B4GALNT3: variants seen among roughly 807,000 people sequenced by gnomAD.
B4GALNT3 encodes beta-1,4-N-acetyl-galactosaminyltransferase 3.
In B4GALNT3, 86 loss-of-function variants were observed where a neutral mutation model predicts 120.2. The ratio of observed to expected loss-of-function variants is 0.72; its 90% CI spans 0.60 to 0.86. The LOEUF (loss-of-function observed/expected upper bound fraction) is 0.86. B4GALNT3 is among the 40% of genes least tolerant of loss of function. B4GALNT3 has a pLI of 0.00. For missense variants in B4GALNT3, 1,167 were observed against 1,298.9 expected (o/e 0.90, Z 1.56); for synonymous variants, 518 against 510.4 (o/e 1.01, Z -0.20).
intron 1 of B4GALNT3, among the ~76,000 whole-genome samples, chr12:519,292 A>G (rs1267083996): frequency 2.6e-5 from 4 of 152,204 alleles, no homozygotes; most frequent in African/African-American, 9.7e-5. Context: ...GGTTTTATGT[A>G]TTACTAGGAT....
rs55927726 is a variant in B4GALNT3, at chr12:500,865, C to CTTTTTTTTTTTTTTTTTTTTTTT, written c.170-34281_170-34280insTTTTTTTTTTTTTTTTTTTTTTT. ...CTGAATTTGAATCCTGGCTCCACTG[C>CTTTTTTTTTTTTTTTTTTTTTTT]TTTTTTTTTTTTTTTTTTTTGACAC... On this transcript the variant is annotated intron_variant, in intron 1 of 19. Transcript: ENST00000266383. 1.2e-3 allele frequency among the ~76,000 whole-genome samples: 72 copies of CTTTTTTTTTTTTTTTTTTTTTTT among 61,814 alleles called. 25 individuals are homozygous for CTTTTTTTTTTTTTTTTTTTTTTT. The highest frequency in any genetic ancestry group is 2.7e-3 in the African/African-American group (36 of 13,342). 40.6% of individuals were successfully genotyped at this position (61,814 alleles called of 152,430 possible).
At position 544,357 on chromosome 12, in the gene B4GALNT3, C is replaced by G. The variant is rs764473836; in HGVS notation, c.370C>G (p.Leu124Val). The G allele has an allele frequency of 8.1e-6, 13 of 1,613,712 alleles. No individual in the cohort carries two copies. The South Asian group carries it at 1.2e-4, about 15-fold the overall frequency. ...CCTGCAGTTCCGGGGCCGTGCCAAC[C>G]TGCATGTGTTTGAAGACTGGTGTGG... ...WLSEFRGRAN[L>V]HVFEDWCGSS... The change falls in exon 4 of 20, where the codon CTG (leucine) becomes GTG (valine). Residue 124 changes from leucine (L) to valine (V), a missense_variant. Physicochemically the swap from Leu to Val is conservative, Grantham distance 32. This residue lies in a region of B4GALNT3 where 171 missense variants were observed against 161.3 expected (regional missense o/e 1.06). Coordinates refer to ENST00000266383, the MANE Select transcript of B4GALNT3 (RefSeq NM_173593.4).
intron 15 of B4GALNT3, 33 bp downstream of exon 15, chr12:556,899 G>C (rs374658417): frequency 1.3e-5 from 21 of 1,575,882 alleles, no homozygotes; most frequent in Non-Finnish European, 1.8e-5. Context: ...GCATTCTCAG[G>C]GGCGGGGTCC....
At chr12:552,267 CTT>C (rs1327487374) in intron 12 of B4GALNT3, 104 bp downstream of exon 12, 20 of 1,038,862 alleles carry the variant, frequency 1.9e-5, no homozygotes, top group Non-Finnish European at 2.7e-5. Flanking sequence ...AGCCCAAAGT[CTT>C]TGCTCTTGCT....
chr12:521,484 C>T (rs1340762124), intron 1 of B4GALNT3, among the ~76,000 whole-genome samples: 2 of 152,082 alleles, frequency 1.3e-5, no homozygotes, highest in Non-Finnish European at 2.9e-5. Flanking sequence ...TGTGGTCTTT[C>T]CCAGAATTAC....
intron 19 of B4GALNT3, 128 bp from the exon 20 acceptor site, chr12:561,215 A>G: frequency 3.0e-6 from 2 of 664,842 alleles, no homozygotes; most frequent in South Asian, 3.7e-5. Flanking sequence ...TTCAAAGCCC[A>G]CAGCCGTCCA....
rs1429949110 is a variant in B4GALNT3 at position 545,476 on chromosome 12, C to T, written c.639+7C>T. ...GCTGGCCAGTGTGGGCAAGGTAAGG[C>T]CAGCTCAACCCCGGTCCCTCCCATC... is the stretch of plus-strand genomic sequence containing the variant. On this transcript the variant is annotated splice_region_variant and intron_variant, in intron 6 of 19. Coordinates refer to ENST00000266383, the MANE Select transcript of B4GALNT3 (RefSeq NM_173593.4). 1.3e-6 allele frequency: 2 copies of T among 1,590,324 alleles called. No individual in the cohort carries two copies. Among genetic ancestry groups the T allele is most frequent in the African/African-American group, 2.7e-5 (2 of 74,724 alleles).
At chr12:542,986 G>A (rs1040257580) in intron 3 of B4GALNT3, 24 of 567,116 alleles carry the variant, frequency 4.2e-5, no homozygotes, top group Non-Finnish European at 6.8e-5. Flanking sequence ...ATCAGGGATG[G>A]GGAGGGGAGG....
rs1384035591 is a variant in B4GALNT3 at position 557,924 on chromosome 12, C to T, written c.2535-92C>T. 4 of 1,496,670 alleles carry T rather than the reference C, an allele frequency of 2.7e-6. No individual in the cohort carries two copies. In the African/African-American group the frequency reaches 5.5e-5, roughly 21 times the overall value. 92.7% of individuals were successfully genotyped at this position (1,496,670 alleles called of 1,614,324 possible). On this transcript the variant is annotated intron_variant, in intron 16 of 19. Coordinates refer to ENST00000266383, the MANE Select transcript of B4GALNT3 (RefSeq NM_173593.4). ...CCTGCCCATAATCCCATCCCAGGAGCACACATCATCTCTCTTCTATGCCTG... is the reference window on the plus strand; with the variant it reads ...CCTGCCCATAATCCCATCCCAGGAGTACACATCATCTCTCTTCTATGCCTG...
rs1946582759 is a variant in B4GALNT3 at position 512,172 on chromosome 12, G to GCCTTCCA, written c.170-22988_170-22987insACCTTCC. On this transcript the variant is annotated intron_variant, in intron 1 of 19. Transcript: ENST00000266383. ...TTCCGCCTTCCGCCTTCCACCTTCC[G>GCCTTCCA]CCTTCCGCCTTCCACCTTCCGCCTT... is the stretch of plus-strand genomic sequence containing the variant. Among the ~76,000 whole-genome samples, 4 of 20,436 alleles carry GCCTTCCA rather than the reference G, an allele frequency of 2.0e-4. 1 individual carries two copies. The highest frequency in any genetic ancestry group is 3.1e-4 in the Non-Finnish European group (4 of 12,892). The allele number at this position is 20,436 out of a possible 152,430, so 13.4% of individuals were successfully genotyped here.
intron 14 of B4GALNT3, among the ~76,000 whole-genome samples, chr12:554,519 G>T (rs898201643): frequency 6.6e-6 from 1 of 151,852 alleles, no homozygotes; most frequent in South Asian, 2.1e-4. Flanking sequence ...GGCTGGGCGC[G>T]GTGGCTCACG....
At position 562,241 on chromosome 12, in the gene B4GALNT3, G is replaced by A. The variant is rs1947239231; in HGVS notation, c.*790G>A. 1 of 152,426 alleles carries A rather than the reference G, an allele frequency of 6.6e-6. No homozygotes were observed. Among genetic ancestry groups the A allele is most frequent in the Admixed American group, 6.5e-5 (1 of 15,292 alleles). The allele number at this position is 152,426 out of a possible 1,614,324, so 9.4% of individuals were successfully genotyped here. A position where few individuals can be genotyped will look rare whatever the true frequency, so the allele number is the denominator to read the frequency against. ...TTGAGGCCTGCAGAACAGGCAGGGT[G>A]ATGAAGGCAGGGGAGAGAAGCCCTT... On this transcript the variant is annotated 3_prime_UTR_variant, in exon 20 of 20. Transcript: ENST00000266383. This position sits in a 1 kb window ranked among gnomAD's most constrained non-coding sequence, Gnocchi z 5.2.
chr12:552,681 C>G lies in B4GALNT3; in HGVS notation c.1270+153C>G, dbSNP rs1018797257. On this transcript the variant is annotated intron_variant, in intron 13 of 19. Coordinates refer to ENST00000266383, the MANE Select transcript of B4GALNT3 (RefSeq NM_173593.4). The stretch of plus-strand genomic sequence containing the variant: ...CCTTCACACCCAAGGGAGTGGAGAG[C>G]ATGACTCCTGCCTTTTCCATATCCA... The G allele has an allele frequency of 1.0e-5, 7 of 669,388 alleles. No individual in the cohort carries two copies. In the African/African-American group the frequency reaches 1.3e-4, roughly 12 times the overall value. 41.5% of individuals were successfully genotyped at this position (669,388 alleles called of 1,614,324 possible).
At chr12:511,013 CTTTTTTTTTTTTTTTTTTTTTTTTTTT>C (rs762032000) in intron 1 of B4GALNT3, among the ~76,000 whole-genome samples, 30 of 43,912 alleles carry the variant, frequency 6.8e-4, no homozygotes, top group Admixed American at 3.9e-3. Flanking sequence ...TTTGCCTATT[CTTTTTTTTTTTTTTTTTTTTTTTTTTT>C]TTTTTTTTTT....
chr12:556,412 C>G (rs1311892321), intron 14 of B4GALNT3, 135 bp from the exon 15 acceptor site: 1 of 803,972 alleles, frequency 1.2e-6, no homozygotes, highest in Non-Finnish European at 2.0e-6. Context: ...GCCTGAGGCC[C>G]TATAGCCAGC....
chr12:481,077 G>A (rs983202931), intron 1 of B4GALNT3, among the ~76,000 whole-genome samples: 1 of 152,222 alleles, frequency 6.6e-6, no homozygotes, highest in Admixed American at 6.5e-5. Context: ...AAGACCATCA[G>A]ACGCTGAGGG....
Position 557,616 on chromosome 12 carries a change from C to A in B4GALNT3, c.2389C>A (p.Gln797Lys). 1.2e-6 allele frequency: 2 copies of A among 1,609,738 alleles called. No homozygotes were observed. Among genetic ancestry groups the A allele is most frequent in the South Asian group, 1.1e-5 (1 of 90,476 alleles). ...CTGACCCCCTGGGGTAGTGAAGAACCAGGCACGCTGGGTACAGCAATTCAT... is the reference window on the plus strand; with the variant it reads ...CTGACCCCCTGGGGTAGTGAAGAACAAGGCACGCTGGGTACAGCAATTCAT... ...VVHFVVPVKN[Q>K]ARWVQQFIKD... Residue 797 changes from glutamine to lysine, a missense_variant, in exon 16 of 20, where the codon CAG becomes AAG. Coordinates refer to ENST00000266383, the MANE Select transcript of B4GALNT3 (RefSeq NM_173593.4).
At position 559,433 on chromosome 12, in the gene B4GALNT3, G is replaced by T. The variant is rs368745276; in HGVS notation, c.2888+12G>T. On this transcript the variant is annotated intron_variant, in intron 19 of 19. Coordinates refer to ENST00000266383, the MANE Select transcript of B4GALNT3 (RefSeq NM_173593.4). Reference sequence around the variant, plus strand: ...GAGCTGCTGGACAGGTGACTGGGAAGAGGAGGGCATCCACGAGGCCTGGGA... The same window carrying T: ...GAGCTGCTGGACAGGTGACTGGGAATAGGAGGGCATCCACGAGGCCTGGGA... The T allele has an allele frequency of 1.2e-6, 2 of 1,613,014 alleles. No homozygotes were observed. The highest frequency in any genetic ancestry group is 3.3e-5 in the Admixed American group (2 of 59,998).
chr12:530,939 G>A (rs980951793), intron 1 of B4GALNT3, among the ~76,000 whole-genome samples: 33 of 152,298 alleles, frequency 2.2e-4, no homozygotes, highest in Admixed American at 1.8e-3. Flanking sequence ...TGAGATTGGG[G>A]TGTCTGTCTC....
Sources: gnomAD v4.1 joint callset for allele counts (sites outside exome capture counted in the v4.1 genomes callset) on GRCh38, gnomAD v4.1.1 for gene constraint, gnomAD v4.1.1 regional missense constraint, Gnocchi (gnomAD v3.1) non-coding constraint, MANE v1.5 for transcripts, NCBI Gene and HGNC (gene_info 2026-07-23, HGNC 2026-07-21) for gene names.